Variants in NLGN1 observed in about 807,000 individuals in gnomAD.
NLGN1 encodes neuroligin-1.
A neutral mutation model predicts 65.5 loss-of-function variants in NLGN1; 12 were observed. The ratio of observed to expected loss-of-function variants is 0.18; its 90% CI spans 0.12 to 0.30. The LOEUF (loss-of-function observed/expected upper bound fraction) is 0.30. NLGN1 is among the 10% of genes least tolerant of loss of function. The pLI is 1.00. For missense variants in NLGN1, 750 were observed against 1,007.1 expected (o/e 0.74, Z 3.46); for synonymous variants, 350 against 359.5 (o/e 0.97, Z 0.30).
intron 3 of NLGN1, among the ~76,000 whole-genome samples, chr3:173,671,220 C>G (rs1762402870): frequency 1.3e-5 from 2 of 152,148 alleles, no homozygotes. Context: ...GAATCCCTTG[C>G]CCAGGCATGG....
chr3:173,510,138 G>A (rs1445593691), intron 2 of NLGN1, among the ~76,000 whole-genome samples: 2 of 152,112 alleles, frequency 1.3e-5, no homozygotes, highest in African/African-American at 4.8e-5. Context: ...CCAAATTTTG[G>A]AACTCCACAT....
chr3:174,193,805 T>C (rs544145710), intron 4 of NLGN1, among the ~76,000 whole-genome samples: 1 of 152,358 alleles, frequency 6.6e-6, no homozygotes, highest in African/African-American at 2.4e-5. Flanking sequence ...AGGCTTGGTT[T>C]AAAATATTTT....
intron 4 of NLGN1, among the ~76,000 whole-genome samples, chr3:173,974,471 T>C (rs1716979110): frequency 1.3e-5 from 2 of 152,042 alleles, no homozygotes; most frequent in African/African-American, 2.4e-5. Context: ...AAAGAGAACA[T>C]CATTGAGAAA....
rs143558785 is a variant in NLGN1, at chr3:173,551,035, A to T, written c.-320-53244A>T. Among the ~76,000 whole-genome samples, 398 of 152,240 alleles carry T rather than the reference A, an allele frequency of 2.6e-3. 1 individual carries two copies. Among genetic ancestry groups the T allele is most frequent in the African/African-American group, 8.7e-3 (363 of 41,562 alleles). On this transcript the variant is annotated intron_variant, in intron 2 of 6. Transcript: ENST00000457714. ...AGCAGATTTCTGCCTTTACTGCATT[A>T]TCACCTTATTTGAGAAAGCTCATTC... is the stretch of plus-strand genomic sequence containing the variant.
intron 4 of NLGN1, among the ~76,000 whole-genome samples, chr3:173,972,656 TTGA>T (rs1716531522): frequency 2.0e-5 from 3 of 152,092 alleles, no homozygotes. Context: ...GAAATTTGAC[TTGA>T]TGAGCCTTTT....
intron 4 of NLGN1, among the ~76,000 whole-genome samples, chr3:174,002,049 A>G (rs1723398189): frequency 6.8e-6 from 1 of 147,780 alleles, no homozygotes; most frequent in African/African-American, 2.5e-5. Context: ...TCACCTAGAC[A>G]GATTTAAAAA....
At chr3:173,740,831 A>G (rs899420463) in intron 3 of NLGN1, among the ~76,000 whole-genome samples, 1 of 152,106 alleles carries the variant, frequency 6.6e-6, no homozygotes, top group Non-Finnish European at 1.5e-5. Context: ...AAAACTAGAA[A>G]AGCCATGCGT....
intron 4 of NLGN1, among the ~76,000 whole-genome samples, chr3:174,175,242 C>T (rs1458830958): frequency 1.3e-5 from 2 of 151,696 alleles, no homozygotes; most frequent in Admixed American, 1.3e-4. Flanking sequence ...GGGGAGTCTC[C>T]AGCTATTATT....
intron 2 of NLGN1, among the ~76,000 whole-genome samples, chr3:173,571,894 A>C (rs532121622): frequency 6.6e-6 from 1 of 152,224 alleles, no homozygotes; most frequent in African/African-American, 2.4e-5. Context: ...CCTTTATGCA[A>C]TGTGAACAGG....
intron 2 of NLGN1, among the ~76,000 whole-genome samples, chr3:173,549,287 A>G (rs1740448754): frequency 6.6e-6 from 1 of 151,962 alleles, no homozygotes; most frequent in East Asian, 1.9e-4. Flanking sequence ...CTAGAGTGTT[A>G]TTACAACATA....
At chr3:174,112,355 C>G (rs937542970) in intron 4 of NLGN1, among the ~76,000 whole-genome samples, 1 of 151,846 alleles carries the variant, frequency 6.6e-6, no homozygotes, top group Admixed American at 6.6e-5. Flanking sequence ...TTAAAACTTT[C>G]TCAATGCATC....
intron 4 of NLGN1, among the ~76,000 whole-genome samples, chr3:173,855,591 A>T (rs1366357742): frequency 6.6e-6 from 1 of 152,136 alleles, no homozygotes; most frequent in Non-Finnish European, 1.5e-5. Context: ...TCTTTGCTAA[A>T]TGTCACAAAC....
chr3:173,891,101 T>C (rs538270550), intron 4 of NLGN1, among the ~76,000 whole-genome samples: 1 of 152,306 alleles, frequency 6.6e-6, no homozygotes, highest in South Asian at 2.1e-4. Context: ...CATTTAATTC[T>C]GTGGTAAAAT....
chr3:173,864,935 T>C (rs1729841506), intron 4 of NLGN1, among the ~76,000 whole-genome samples: 1 of 152,190 alleles, frequency 6.6e-6, no homozygotes, highest in Non-Finnish European at 1.5e-5. Context: ...AATACGGTTT[T>C]GATGGGATAT....
At chr3:173,745,684 G>A (rs1775259421) in intron 3 of NLGN1, among the ~76,000 whole-genome samples, 1 of 152,018 alleles carries the variant, frequency 6.6e-6, no homozygotes, top group Non-Finnish European at 1.5e-5. Flanking sequence ...CACTGCAGGT[G>A]TTTAGGGAAA....
chr3:174,011,122 A>G (rs1725471290), intron 4 of NLGN1, among the ~76,000 whole-genome samples: 1 of 152,168 alleles, frequency 6.6e-6, no homozygotes, highest in Admixed American at 6.6e-5. Flanking sequence ...TTTCATATCA[A>G]TTACCAGTCA....
At chr3:173,881,525 C>T (rs557171188) in intron 4 of NLGN1, among the ~76,000 whole-genome samples, 27 of 148,694 alleles carry the variant, frequency 1.8e-4, no homozygotes, top group African/African-American at 6.5e-4. Flanking sequence ...CCCGGGTTCA[C>T]GCCATTCTCC....
At chr3:173,463,220 A>G (rs1260131219) in intron 2 of NLGN1, among the ~76,000 whole-genome samples, 8 of 152,230 alleles carry the variant, frequency 5.3e-5, no homozygotes, top group African/African-American at 1.7e-4. Context: ...ACTATTCTGA[A>G]TAATTCAAAC....
intron 3 of NLGN1, among the ~76,000 whole-genome samples, chr3:173,608,139 ATGT>A (rs1006722959): frequency 3.9e-5 from 6 of 151,902 alleles, no homozygotes; most frequent in African/African-American, 1.4e-4. Context: ...CCTCCAAGAG[ATGT>A]TGTTCTATAA....
Sources: allele counts gnomAD v4.1 joint callset (sites outside exome capture counted in the v4.1 genomes callset), GRCh38; gene constraint gnomAD v4.1.1; transcripts MANE v1.5; gene names NCBI Gene and HGNC (gene_info 2026-07-23, HGNC 2026-07-21).